Variants in CTNNA2 observed in about 807,000 individuals in gnomAD.
The protein encoded by CTNNA2 is catenin alpha-2.
CTNNA2 carries 42 observed loss-of-function variants against 101.0 expected under a neutral mutation model. The observed-to-expected ratio is 0.42, with a 90% CI of 0.32 to 0.54. The LOEUF (loss-of-function observed/expected upper bound fraction) is 0.54. CTNNA2 is among the 20% of genes least tolerant of loss of function. The pLI is 0.14. For missense variants in CTNNA2, 871 were observed against 1,223.1 expected (o/e 0.71, Z 4.29); for synonymous variants, 450 against 456.4 (o/e 0.99, Z 0.18).
At chr2:80,168,273 G>GT (rs1558869382) in intron 7 of CTNNA2, among the ~76,000 whole-genome samples, 1 of 152,174 alleles carries the variant, frequency 6.6e-6, no homozygotes, top group Non-Finnish European at 1.5e-5. Context: ...CTGACCCTAA[G>GT]TAGAAGTAAG....
At chr2:79,530,797 G>A (rs141071515) in intron 1 of CTNNA2, among the ~76,000 whole-genome samples, 3 of 152,220 alleles carry the variant, frequency 2.0e-5, no homozygotes, top group Non-Finnish European at 4.4e-5. Context: ...TGCTGAAAGG[G>A]AAGTGAGAGG....
At chr2:79,676,753 A>G (rs919262800) in intron 2 of CTNNA2, among the ~76,000 whole-genome samples, 1 of 152,232 alleles carries the variant, frequency 6.6e-6, no homozygotes, top group Admixed American at 6.5e-5. Flanking sequence ...GTAAAGGAAA[A>G]TAAACTCACA....
At chr2:79,898,825 G>A (rs1328827901) in intron 6 of CTNNA2, among the ~76,000 whole-genome samples, 3 of 152,092 alleles carry the variant, frequency 2.0e-5, no homozygotes, top group Non-Finnish European at 4.4e-5. Context: ...TTAGAGGGTC[G>A]GGATTGGACA....
At chr2:80,023,737 C>T (rs1425256488) in intron 7 of CTNNA2, among the ~76,000 whole-genome samples, 3 of 152,136 alleles carry the variant, frequency 2.0e-5, no homozygotes, top group African/African-American at 7.2e-5. Flanking sequence ...ACTATGTGTG[C>T]TACATTGGGG....
chr2:79,452,567 C>T (rs1670768589), intron 4 of CTNNA2, among the ~76,000 whole-genome samples: 1 of 151,896 alleles, frequency 6.6e-6, no homozygotes, highest in Non-Finnish European at 1.5e-5. Context: ...GCTTCAATAT[C>T]GTTAGCTCCA....
At chr2:79,366,358 T>C (rs896952644) in intron 3 of CTNNA2, among the ~76,000 whole-genome samples, 2 of 152,236 alleles carry the variant, frequency 1.3e-5, no homozygotes, top group African/African-American at 4.8e-5. Flanking sequence ...GGAACAAAGA[T>C]TTTTCTTCCT....
chr2:80,420,928 T>G (rs1224514279), intron 9 of CTNNA2, among the ~76,000 whole-genome samples: 2 of 152,138 alleles, frequency 1.3e-5, no homozygotes, highest in Admixed American at 6.5e-5. Flanking sequence ...AAAACTAGGG[T>G]AATACAATAT....
chr2:79,428,816 CA>C (rs1678620570), intron 4 of CTNNA2, among the ~76,000 whole-genome samples: 2 of 152,208 alleles, frequency 1.3e-5, no homozygotes, highest in East Asian at 3.9e-4. Context: ...TCCCAATAGA[CA>C]TTACACTAAT....
At chr2:79,685,695 C>T (rs565545527) in intron 2 of CTNNA2, among the ~76,000 whole-genome samples, 50 of 151,932 alleles carry the variant, frequency 3.3e-4, no homozygotes, top group Non-Finnish European at 5.6e-4. Flanking sequence ...ATTGGGCAGC[C>T]GGGTAATTGG....
At chr2:80,575,120 G>A (rs1296849092) in intron 13 of CTNNA2, 1 of 151,960 alleles carries the variant, frequency 6.6e-6, no homozygotes, top group Admixed American at 6.6e-5. Flanking sequence ...ATATTTATTA[G>A]CCACATAATA....
intron 3 of CTNNA2, among the ~76,000 whole-genome samples, chr2:79,809,259 C>T (rs112974917): frequency 0.19 from 29,116 of 152,016 alleles, 3,265 homozygotes; most frequent in African/African-American, 0.31. Context: ...TATGTGTGCA[C>T]GTGTCTTTAT....
chr2:80,154,333 G>A (rs899943204), intron 7 of CTNNA2, among the ~76,000 whole-genome samples: 12 of 152,114 alleles, frequency 7.9e-5, no homozygotes, highest in African/African-American at 2.9e-4. Context: ...AATTAGAAGA[G>A]ATATTTTCAG....
chr2:79,957,213 T>A (rs1004710956), intron 7 of CTNNA2, among the ~76,000 whole-genome samples: 1 of 152,198 alleles, frequency 6.6e-6, no homozygotes, highest in Non-Finnish European at 1.5e-5. Context: ...CAAATCCCGA[T>A]GTCTTCATTT....
chr2:79,552,303 C>T (rs551856671), intron 1 of CTNNA2, among the ~76,000 whole-genome samples: 20 of 152,264 alleles, frequency 1.3e-4, no homozygotes, highest in Non-Finnish European at 1.6e-4. Context: ...CCTTTGACTC[C>T]GTGTCTCACA....
intron 3 of CTNNA2, among the ~76,000 whole-genome samples, chr2:79,812,574 A>C (rs931459006): frequency 2.0e-5 from 3 of 152,224 alleles, no homozygotes; most frequent in African/African-American, 7.2e-5. Context: ...CTAATATATA[A>C]GAAACCTTAT....
intron 18 of CTNNA2, among the ~76,000 whole-genome samples, chr2:80,624,968 A>G (rs369064267): frequency 2.6e-5 from 4 of 152,076 alleles, no homozygotes; most frequent in South Asian, 4.1e-4. Flanking sequence ...AGCAAATACA[A>G]CCTTGGGTGG....
At chr2:79,712,237 T>C (rs1020187196) in intron 2 of CTNNA2, among the ~76,000 whole-genome samples, 5 of 152,130 alleles carry the variant, frequency 3.3e-5, no homozygotes, top group Non-Finnish European at 7.4e-5. Context: ...ATCACACTGT[T>C]TGGAGAGTCA....
At chr2:80,012,042 G>A (rs746162175) in intron 7 of CTNNA2, among the ~76,000 whole-genome samples, 7 of 152,120 alleles carry the variant, frequency 4.6e-5, no homozygotes, top group African/African-American at 7.2e-5. Context: ...GCAGATGTAC[G>A]TTTACAGGCC....
chr2:79,787,854 C>T lies in CTNNA2; in HGVS notation c.298+43272C>T, dbSNP rs1674968112. The stretch of plus-strand genomic sequence containing the variant: ...CACCTAGACAATCCTGAAAATCTTC[C>T]CCTCTCCAGACCTATAGTTTAACCA... On this transcript the variant is annotated intron_variant, in intron 3 of 18. Coordinates refer to ENST00000402739, the MANE Select transcript of CTNNA2 (RefSeq NM_001282597.3). Among the ~76,000 whole-genome samples the T allele has an allele frequency of 3.9e-5, 6 of 151,960 alleles. No individual in the cohort carries two copies. In the South Asian group the frequency reaches 1.2e-3, roughly 32 times the overall value.
Sources: gnomAD v4.1 joint callset for allele counts (sites outside exome capture counted in the v4.1 genomes callset) on GRCh38, gnomAD v4.1.1 for gene constraint, MANE v1.5 for transcripts, NCBI Gene and HGNC (gene_info 2026-07-23, HGNC 2026-07-21) for gene names.